Variants in TGFBR2 observed in about 807,000 individuals in gnomAD.
TGFBR2 encodes the protein TGF-beta receptor type-2.
A neutral mutation model predicts 49.0 loss-of-function variants in TGFBR2; 18 were observed. The ratio of observed to expected loss-of-function variants is 0.37; its 90% CI spans 0.25 to 0.54. TGFBR2 has a LOEUF of 0.54. Ranked by LOEUF, TGFBR2 falls within the 20% of genes least tolerant of loss-of-function variation. TGFBR2 has a pLI of 0.85. For missense variants in TGFBR2, 525 were observed against 722.6 expected, an observed-to-expected ratio of 0.73 and a Z score of 3.13; for synonymous variants, 282 against 275.9, an observed-to-expected ratio of 1.02 and a Z score of -0.22.
At chr3:30,673,042 C>T (rs1699371214) in intron 4 of TGFBR2, among the ~76,000 whole-genome samples, 1 of 152,194 alleles carries the variant, frequency 6.6e-6, no homozygotes, top group Non-Finnish European at 1.5e-5. Flanking sequence ...ACCACAACAT[C>T]CCTTATAAAT....
At chr3:30,616,536 C>G (rs1698137018) in intron 1 of TGFBR2, among the ~76,000 whole-genome samples, 1 of 151,990 alleles carries the variant, frequency 6.6e-6, no homozygotes, top group South Asian at 2.1e-4. Flanking sequence ...GTCTTTCTTC[C>G]CACTGGGGCT....
chr3:30,679,561 T>A (rs1192812496), intron 5 of TGFBR2, among the ~76,000 whole-genome samples: 1 of 152,206 alleles, frequency 6.6e-6, no homozygotes, highest in African/African-American at 2.4e-5. Context: ...GGCTTCTTAT[T>A]GAAAGTACAT....
intron 1 of TGFBR2, among the ~76,000 whole-genome samples, chr3:30,640,279 T>C (rs946165264): frequency 1.3e-5 from 2 of 152,216 alleles, no homozygotes; most frequent in Non-Finnish European, 2.9e-5. Flanking sequence ...GATATTCTTA[T>C]TGGAACTTCT....
intron 3 of TGFBR2, among the ~76,000 whole-genome samples, chr3:30,657,295 C>G (rs1474965793): frequency 6.6e-6 from 1 of 152,224 alleles, no homozygotes; most frequent in East Asian, 1.9e-4. Context: ...CAAACGGCAG[C>G]CCAGACCCAT....
At chr3:30,660,206 A>T (rs1182553418) in intron 3 of TGFBR2, among the ~76,000 whole-genome samples, 2 of 152,216 alleles carry the variant, frequency 1.3e-5, no homozygotes, top group African/African-American at 4.8e-5. Context: ...AATGTCAAGA[A>T]CAATTTCTCT....
intron 3 of TGFBR2, among the ~76,000 whole-genome samples, chr3:30,654,802 A>T (rs1258261091): frequency 6.6e-6 from 1 of 152,146 alleles, no homozygotes; most frequent in African/African-American, 2.4e-5. Flanking sequence ...CAAAGACATG[A>T]TATGGTTATT....
intron 1 of TGFBR2, among the ~76,000 whole-genome samples, chr3:30,622,843 G>A (rs1344110692): frequency 8.5e-6 from 1 of 117,908 alleles, no homozygotes; most frequent in Non-Finnish European, 1.6e-5. Flanking sequence ...TCGCACCACT[G>A]CACTCCAGCC....
rs530411180 is a variant in TGFBR2, at chr3:30,638,519, C to T, written c.95-6228C>T. Among the ~76,000 whole-genome samples the T allele has an allele frequency of 3.1e-4, 47 of 152,202 alleles. 1 individual carries two copies. In the South Asian group the frequency reaches 9.3e-3, roughly 30 times the overall value. ...CTGTCAGTTGAAGGAAAGCCCGATA[C>T]CTCTCTTCTCTCAAGGTATAATTAG... On this transcript the variant is annotated intron_variant, in intron 1 of 6. Transcript: ENST00000295754.
intron 1 of TGFBR2, among the ~76,000 whole-genome samples, chr3:30,611,463 CTAGAAGTTTTCATGCA>C: frequency 6.6e-6 from 1 of 152,216 alleles, no homozygotes; most frequent in East Asian, 1.9e-4. Context: ...TGGAAAGCTG[CTAGAAGTTTTCATGCA>C]ATTCCTTTAG....
intron 2 of TGFBR2, among the ~76,000 whole-genome samples, chr3:30,649,320 G>A (rs1358542795): frequency 6.6e-6 from 1 of 152,140 alleles, no homozygotes; most frequent in Non-Finnish European, 1.5e-5. Flanking sequence ...AGATAGAGAG[G>A]TGATACCCTT....
rs568668616 is a variant in TGFBR2, at chr3:30,654,369, C to T, written c.454+3909C>T. Among the ~76,000 whole-genome samples the T allele has an allele frequency of 2.6e-5, 4 of 152,150 alleles. No homozygotes were observed. In the South Asian group the frequency reaches 6.2e-4, roughly 24 times the overall value. On this transcript the variant is annotated intron_variant, in intron 3 of 6. Transcript: ENST00000295754. ...AACCTTGCTGTTTTTTTCTTTGAACCGGGTACCTACCCTTAACCCTGGAAT... is the reference window on the plus strand; with the variant it reads ...AACCTTGCTGTTTTTTTCTTTGAACTGGGTACCTACCCTTAACCCTGGAAT...
intron 3 of TGFBR2, among the ~76,000 whole-genome samples, chr3:30,651,283 C>A (rs1381455071): frequency 6.6e-6 from 1 of 152,158 alleles, no homozygotes; most frequent in African/African-American, 2.4e-5. Context: ...CCCAATGCAA[C>A]AGATCATCTG....
Position 30,672,090 on chromosome 3 carries a change from A to C in TGFBR2, c.907A>C (p.Asn303His), listed in dbSNP as rs773932892. The change falls in exon 4 of 7, where the codon AAC (asparagine) becomes CAC (histidine). Residue 303 changes from asparagine (N) to histidine (H), a missense_variant. Physicochemically the swap from Asn to His is moderately conservative, Grantham distance 68. Coordinates refer to ENST00000295754, the MANE Select transcript of TGFBR2 (RefSeq NM_003242.6). The surrounding 1 kb of genome is among the most constrained non-coding windows in gnomAD (Gnocchi z 4.5). ...CTCAGACATCAATCTGAAGCATGAG[A>C]ACATACTCCAGTTCCTGACGGCTGA... is the stretch of plus-strand genomic sequence containing the variant. ...IFSDINLKHE[N>H]ILQFLTAEER... The C allele has an allele frequency of 6.2e-7, 1 of 1,614,220 alleles. No homozygotes were observed. Among genetic ancestry groups the C allele is most frequent in the Non-Finnish European group, 8.5e-7 (1 of 1,180,024 alleles).
At position 30,644,906 on chromosome 3, in the gene TGFBR2, T is replaced by A; in HGVS notation, c.254T>A (p.Val85Glu). The A allele has an allele frequency of 6.2e-7, 1 of 1,614,136 alleles. No homozygotes were observed. Among genetic ancestry groups the A allele is most frequent in the Non-Finnish European group, 8.5e-7 (1 of 1,179,980 alleles). Residue 85 changes from valine (V) to glutamate (E), a missense_variant, in exon 2 of 7, where the codon GTG becomes GAG. Physicochemically the swap from Val to Glu is moderately radical, Grantham distance 121. This residue lies in a region of TGFBR2 where 376 missense variants were observed against 478.2 expected (regional missense o/e 0.79). Transcript: ENST00000295754. ...SICEKPQEVCVAVWRKNDENI... is the reference protein window; with the variant it reads ...SICEKPQEVCEAVWRKNDENI... Reference sequence around the variant, plus strand: ...TGTGAGAAGCCACAGGAAGTCTGTGTGGCTGTATGGTAAGCAAGCCTTTTA... The same window carrying A: ...TGTGAGAAGCCACAGGAAGTCTGTGAGGCTGTATGGTAAGCAAGCCTTTTA...
rs1699709853 is a variant in TGFBR2, at chr3:30,691,523, A to G, written c.1628A>G (p.His543Arg). 6.2e-7 allele frequency: 1 copy of G among 1,614,116 alleles called. No individual in the cohort carries two copies. The highest frequency in any genetic ancestry group is 1.7e-5 in the Admixed American group (1 of 60,022). Residue 543 changes from histidine to arginine, a missense_variant, in exon 7 of 7, where the codon CAT becomes CGT. His to Arg is a conservative substitution (Grantham distance 29). Transcript: ENST00000295754. ...CVAERFSELE[H>R]LDRLSGRSCS... is the part of the protein sequence containing the mutation. The stretch of plus-strand genomic sequence containing the variant: ...GCAGAACGCTTCAGTGAGCTGGAGC[A>G]TCTGGACAGGCTCTCGGGGAGGAGC...
intron 1 of TGFBR2, among the ~76,000 whole-genome samples, chr3:30,624,544 A>T (rs1250848329): frequency 1.3e-5 from 2 of 151,870 alleles, no homozygotes; most frequent in African/African-American, 4.8e-5. Flanking sequence ...TGAACCTGGG[A>T]GGCGGAGGTT....
chr3:30,661,632 G>T (rs566555251), intron 3 of TGFBR2: 2 of 510,936 alleles, frequency 3.9e-6, no homozygotes, highest in South Asian at 1.4e-5. Flanking sequence ...AGACCCCAGG[G>T]TTTAGAGGTG....
intron 5 of TGFBR2, among the ~76,000 whole-genome samples, chr3:30,684,525 A>C (rs1699593064): frequency 6.6e-6 from 1 of 152,226 alleles, no homozygotes; most frequent in African/African-American, 2.4e-5. Flanking sequence ...AGTTTAGGTC[A>C]AATGATGATC....
In TGFBR2 at chr3:30,676,449, T is replaced by C. The variant is rs1699439073; in HGVS notation, c.1396+2203T>C. Among the ~76,000 whole-genome samples, 1 of 152,204 alleles carries C rather than the reference T, an allele frequency of 6.6e-6. No individual in the cohort carries two copies. Among genetic ancestry groups the C allele is most frequent in the Non-Finnish European group, 1.5e-5 (1 of 68,048 alleles). The stretch of plus-strand genomic sequence containing the variant: ...TCCTTCTATATTTATTAATATGCAT[T>C]CTCCTTTAAAAAAGATCTGTCTCTT... On this transcript the variant is annotated intron_variant, in intron 5 of 6. Coordinates refer to ENST00000295754, the MANE Select transcript of TGFBR2 (RefSeq NM_003242.6). This position sits in a 1 kb window ranked among gnomAD's most constrained non-coding sequence, Gnocchi z 4.3.
Sources: gnomAD v4.1 joint callset for allele counts (sites outside exome capture counted in the v4.1 genomes callset) on GRCh38, gnomAD v4.1.1 for gene constraint, gnomAD v4.1.1 regional missense constraint, Gnocchi (gnomAD v3.1) non-coding constraint, MANE v1.5 for transcripts, NCBI Gene and HGNC (gene_info 2026-07-23, HGNC 2026-07-21) for gene names.